The following VDAC2 variants were observed in gnomAD, a reference collection of about 807,000 sequenced individuals.
VDAC2 encodes voltage dependent anion channel 2.
A neutral mutation model predicts 36.6 loss-of-function variants in VDAC2; 6 were observed. That is an observed-to-expected ratio of 0.16 (90% CI 0.09 to 0.32). The LOEUF is 0.32. Ranked by LOEUF, VDAC2 falls within the 10% of genes least tolerant of loss-of-function variation. The pLI is 1.00. For synonymous variants in VDAC2, 109 were observed against 123.8 expected (o/e 0.88, Z 0.79); for missense variants, 247 against 346.0 (o/e 0.71, Z 2.27).
rs765219976 is a variant in VDAC2, at chr10:75,219,321, A to G, written c.321A>G (p.Lys107=). 1.9e-6 allele frequency: 3 copies of G among 1,600,682 alleles called. No homozygotes were observed. Among genetic ancestry groups the G allele is most frequent in the Non-Finnish European group, 2.6e-6 (3 of 1,174,434 alleles). ...CAAAATAGATTTGTCAAGGTTTGAA[A>G]CTGACATTTGATACTACCTTCTCAC... The part of the protein sequence containing the change: ...AIEDQICQGL[K]LTFDTTFSPN... Residue 107 remains lysine, a synonymous_variant, in exon 6 of 10, where the codon AAA becomes AAG. Coordinates refer to ENST00000332211, the MANE Select transcript of VDAC2 (RefSeq NM_001391963.1).
chr10:75,227,150 A>G (rs180806434), intron 8 of VDAC2, among the ~76,000 whole-genome samples: 57 of 152,358 alleles, frequency 3.7e-4, no homozygotes, highest in Admixed American at 2.2e-3. Flanking sequence ...GTATCTTTTC[A>G]TCTGGCTGTT....
intron 9 of VDAC2, 30 bp downstream of exon 9, chr10:75,229,731 T>TA: frequency 6.5e-7 from 1 of 1,541,390 alleles, no homozygotes; most frequent in East Asian, 2.3e-5. Context: ...TAGGATTGTT[T>TA]TGATAGTATT....
intron 8 of VDAC2, among the ~76,000 whole-genome samples, chr10:75,226,564 G>C (rs1400628625): frequency 2.0e-5 from 3 of 148,850 alleles, no homozygotes; most frequent in African/African-American, 7.5e-5. Flanking sequence ...TCGGGTTCAA[G>C]CAGTTCTCGT....
intron 8 of VDAC2, among the ~76,000 whole-genome samples, chr10:75,228,952 A>G (rs1842033222): frequency 6.6e-6 from 1 of 152,114 alleles, no homozygotes; most frequent in African/African-American, 2.4e-5. Context: ...CAGCCCTTGA[A>G]GTCGGTAACT....
intron 2 of VDAC2, chr10:75,211,401 C>G: frequency 7.0e-7 from 1 of 1,436,952 alleles, no homozygotes; most frequent in Non-Finnish European, 9.2e-7. Flanking sequence ...TGGTCTGTGG[C>G]CGCATGGACT....
Position 75,210,854 on chromosome 10 carries a change from G to A in VDAC2, c.-110G>A, listed in dbSNP as rs974956036. The A allele has an allele frequency of 1.5e-5, 5 of 333,442 alleles. No homozygotes were observed. The highest frequency in any genetic ancestry group is 8.6e-5 in the African/African-American group (4 of 46,472). The allele number at this position is 333,442 out of a possible 1,614,324, so 20.7% of individuals were successfully genotyped here. On this transcript the variant is annotated 5_prime_UTR_variant, in exon 1 of 10. Coordinates refer to ENST00000332211, the MANE Select transcript of VDAC2 (RefSeq NM_001391963.1). Reference sequence around the variant, plus strand: ...TCCTTCACTTCGCCCTCCAGCTGCTGGAGCTGCAGCCCGACCGCGAGCGTG... The same window carrying A: ...TCCTTCACTTCGCCCTCCAGCTGCTAGAGCTGCAGCCCGACCGCGAGCGTG...
intron 9 of VDAC2, 38 bp downstream of exon 9, chr10:75,229,739 A>T: frequency 6.6e-7 from 1 of 1,517,646 alleles, no homozygotes; most frequent in Non-Finnish European, 8.9e-7. Flanking sequence ...TTTTGATAGT[A>T]TTAAAAAATT....
chr10:75,220,457 A>G (rs992157453), intron 6 of VDAC2, among the ~76,000 whole-genome samples: 1 of 152,164 alleles, frequency 6.6e-6, no homozygotes, highest in African/African-American at 2.4e-5. Context: ...CTTGCCTTCA[A>G]ATATTTGCCT....
chr10:75,213,915 C>T (rs1373577474), intron 3 of VDAC2, 106 bp from the exon 4 acceptor site: 4 of 1,090,906 alleles, frequency 3.7e-6, no homozygotes, highest in East Asian at 2.4e-5. Context: ...TTTTATCCAC[C>T]TCTGAATATG....
intron 6 of VDAC2, among the ~76,000 whole-genome samples, chr10:75,220,475 G>T (rs1445319694): frequency 6.6e-6 from 1 of 152,142 alleles, no homozygotes; most frequent in Non-Finnish European, 1.5e-5. Context: ...CCTCTTTGTT[G>T]TTGCACTAAC....
chr10:75,224,734 A>G (rs952900320), intron 8 of VDAC2, among the ~76,000 whole-genome samples: 4 of 152,218 alleles, frequency 2.6e-5, no homozygotes, highest in Admixed American at 6.5e-5. Context: ...CATTTGGTTT[A>G]AGCCTTGGCC....
intron 7 of VDAC2, among the ~76,000 whole-genome samples, chr10:75,221,852 T>C (rs963185225): frequency 6.6e-6 from 1 of 152,346 alleles, no homozygotes; most frequent in South Asian, 2.1e-4. Flanking sequence ...TAAAAATTCA[T>C]TGGTAAATAA....
In VDAC2 at chr10:75,222,488, T is replaced by C. The variant is rs1300993533; in HGVS notation, c.735+86T>C. 27 of 1,530,276 alleles carry C rather than the reference T, an allele frequency of 1.8e-5. No individual in the cohort carries two copies. In the East Asian group the frequency reaches 6.1e-4, roughly 35 times the overall value. The allele number at this position is 1,530,276 out of a possible 1,614,324, so 94.8% of individuals were successfully genotyped here. A position where few individuals can be genotyped will look rare whatever the true frequency, so the allele number is the denominator to read the frequency against. On this transcript the variant is annotated intron_variant, in intron 8 of 9. Transcript: ENST00000332211. The stretch of plus-strand genomic sequence containing the variant: ...ACTGAATTATGTTGAAAATTTGAAC[T>C]GATTTCACACAGTCCCCAGTTTACA...
chr10:75,222,918 G>A (rs978997330), intron 8 of VDAC2, among the ~76,000 whole-genome samples: 1 of 151,642 alleles, frequency 6.6e-6, no homozygotes, highest in Non-Finnish European at 1.5e-5. Context: ...TCCCAAAGGA[G>A]GCTGTTGGGA....
Position 75,223,015 on chromosome 10 carries a change from C to G in VDAC2, c.735+613C>G, listed in dbSNP as rs572963004. Among the ~76,000 whole-genome samples the G allele has an allele frequency of 3.9e-4, 57 of 146,716 alleles. No individual in the cohort carries two copies. The Middle Eastern group carries it at 0.014, about 37-fold the overall frequency. On this transcript the variant is annotated intron_variant, in intron 8 of 9. Coordinates refer to ENST00000332211, the MANE Select transcript of VDAC2 (RefSeq NM_001391963.1). ...TTTTTTCTTTTTTGAGATGGAGTCTCTGTCGCCCGGGCTGGGGTGCAGTAG... is the reference window on the plus strand; with the variant it reads ...TTTTTTCTTTTTTGAGATGGAGTCTGTGTCGCCCGGGCTGGGGTGCAGTAG...
intron 9 of VDAC2, among the ~76,000 whole-genome samples, chr10:75,229,959 C>A (rs1439088586): frequency 6.6e-6 from 1 of 151,658 alleles, no homozygotes; most frequent in Non-Finnish European, 1.5e-5. Context: ...TACTATCACA[C>A]CTAAGAAAGT....
rs1841989654 is a variant in VDAC2, at chr10:75,227,576, A to AGTTTTTTTT, written c.736-2068_736-2067insGTTTTTTTT. Among the ~76,000 whole-genome samples the AGTTTTTTTT allele has an allele frequency of 7.1e-4, 64 of 90,744 alleles. 2 individuals carry two copies. The highest frequency in any genetic ancestry group is 3.3e-3 in the African/African-American group (62 of 18,616). The allele number at this position is 90,744 out of a possible 152,430, so 59.5% of individuals were successfully genotyped here. A position where few individuals can be genotyped will look rare whatever the true frequency, so the allele number is the denominator to read the frequency against. On this transcript the variant is annotated intron_variant, in intron 8 of 9. Transcript: ENST00000332211. The stretch of plus-strand genomic sequence containing the variant: ...TTAACTCTTACTGTTAAATAATAGG[A>AGTTTTTTTT]ATTTTTTTTTTTTTTTTTTTTTGGA...
At chr10:75,218,080 T>G (rs1044819676) in intron 4 of VDAC2, 3 of 419,164 alleles carry the variant, frequency 7.2e-6, no homozygotes, top group Non-Finnish European at 8.0e-6. Flanking sequence ...AGAGGCAAGA[T>G]GCTGTCTCAA....
chr10:75,225,614 G>A (rs1277523213), intron 8 of VDAC2, among the ~76,000 whole-genome samples: 3 of 152,160 alleles, frequency 2.0e-5, no homozygotes, highest in Middle Eastern at 3.2e-3. Flanking sequence ...AGCGAGCCTG[G>A]AAACTACAAG....
Sources: gnomAD v4.1 joint callset for allele counts (sites outside exome capture counted in the v4.1 genomes callset) on GRCh38, gnomAD v4.1.1 for gene constraint, MANE v1.5 for transcripts, NCBI Gene and HGNC (gene_info 2026-07-23, HGNC 2026-07-21) for gene names.